The following NCK2 variants were observed in gnomAD, a reference collection of about 807,000 sequenced individuals.
NCK2 encodes the protein cytoplasmic protein NCK2.
A neutral mutation model predicts 33.9 loss-of-function variants in NCK2; 16 were observed. The observed-to-expected ratio is 0.47, with a 90% CI of 0.32 to 0.72. The LOEUF (loss-of-function observed/expected upper bound fraction) is 0.72, where lower values mean the gene tolerates loss of function less well. Ranked by LOEUF, NCK2 falls within the 30% of genes least tolerant of loss-of-function variation. The pLI is 0.03. For synonymous variants in NCK2, 273 were observed against 239.9 expected (o/e 1.14, Z -1.27); for missense variants, 418 against 537.3 (o/e 0.78, Z 2.19).
chr2:105,818,415 C>A (rs571436738), intron 2 of NCK2, among the ~76,000 whole-genome samples: 47 of 151,700 alleles, frequency 3.1e-4, no homozygotes, highest in African/African-American at 1.1e-3. Flanking sequence ...TACCCTAGAA[C>A]TTAAAAGTGT....
intron 1 of NCK2, among the ~76,000 whole-genome samples, chr2:105,801,172 A>G (rs1476058383): frequency 6.6e-6 from 1 of 151,992 alleles, no homozygotes; most frequent in Non-Finnish European, 1.5e-5. Flanking sequence ...GTGTCCCATA[A>G]ATCTGTGGTG....
At position 105,894,267 on chromosome 2, in the gene NCK2, T is replaced by C. The variant is rs894735985; in HGVS notation, c.*1091T>C. 2.0e-5 allele frequency: 3 copies of C among 152,636 alleles called. No homozygotes were observed. The highest frequency in any genetic ancestry group is 6.5e-5 in the Admixed American group (1 of 15,276). The allele number at this position is 152,636 out of a possible 1,614,324, so 9.5% of individuals were successfully genotyped here. A position where few individuals can be genotyped will look rare whatever the true frequency, so the allele number is the denominator to read the frequency against. On this transcript the variant is annotated 3_prime_UTR_variant, in exon 5 of 5. Coordinates refer to ENST00000233154, the MANE Select transcript of NCK2 (RefSeq NM_003581.5). ...GATATTGTAATAAAAAAAAGTATTA[T>C]GACAAGGCTCTGTGTGTATTTATCT...
chr2:105,806,340 C>T (rs1158925100), intron 1 of NCK2, among the ~76,000 whole-genome samples: 1 of 151,638 alleles, frequency 6.6e-6, no homozygotes, highest in African/African-American at 2.4e-5. Context: ...CGGGTTCACG[C>T]CATTCTCCTG....
intron 1 of NCK2, among the ~76,000 whole-genome samples, chr2:105,799,897 CTTTT>C (rs939837752): frequency 6.7e-6 from 1 of 150,014 alleles, no homozygotes. Flanking sequence ...AATGACATAA[CTTTT>C]TTTTTTAACA....
intron 3 of NCK2, 117 bp downstream of exon 3, chr2:105,855,406 C>T (rs1057501115): frequency 4.1e-6 from 3 of 730,632 alleles, no homozygotes; most frequent in Admixed American, 3.0e-5. Context: ...TTAATATCTT[C>T]CTAGTTGTCT....
intron 1 of NCK2, among the ~76,000 whole-genome samples, chr2:105,806,936 G>A (rs531813030): frequency 2.4e-4 from 37 of 152,226 alleles, no homozygotes; most frequent in Admixed American, 2.0e-3. Flanking sequence ...AGATGCCCGT[G>A]GTCATGGGGT....
chr2:105,822,206 G>A (rs1323453524), intron 2 of NCK2, among the ~76,000 whole-genome samples: 3 of 152,046 alleles, frequency 2.0e-5, no homozygotes, highest in Non-Finnish European at 4.4e-5. Flanking sequence ...GGTGTGTGAA[G>A]GAAGACTTTG....
intron 3 of NCK2, among the ~76,000 whole-genome samples, chr2:105,863,757 G>T (rs969450823): frequency 6.6e-6 from 1 of 152,136 alleles, no homozygotes; most frequent in Non-Finnish European, 1.5e-5. Flanking sequence ...CAGGAGGGAG[G>T]ACTCTGGAGT....
At chr2:105,882,221 T>A (rs753809385) in intron 4 of NCK2, among the ~76,000 whole-genome samples, 172 bp downstream of exon 4, 4 of 152,228 alleles carry the variant, frequency 2.6e-5, no homozygotes, top group Non-Finnish European at 5.9e-5. Context: ...TGCATCTGTT[T>A]TGGGGATAGT....
rs199739176 is a variant in NCK2, at chr2:105,752,162, G to A, written c.-201+7024G>A. ...ACGCGACTAGTGGCAGCCTTGTTGC[G>A]GAGTGTGAGTCTATACACTTTTCAT... On this transcript the variant is annotated intron_variant, in intron 1 of 4. Transcript: ENST00000233154. 6.6e-5 allele frequency among the ~76,000 whole-genome samples: 10 copies of A among 152,258 alleles called. No homozygotes were observed. In the East Asian group the frequency reaches 1.5e-3, roughly 23 times the overall value.
chr2:105,758,111 C>A (rs569897272), intron 1 of NCK2, among the ~76,000 whole-genome samples: 11 of 152,154 alleles, frequency 7.2e-5, no homozygotes, highest in Non-Finnish European at 1.5e-4. Flanking sequence ...AGCTTTATCT[C>A]TTAAAAATGA....
intron 2 of NCK2, among the ~76,000 whole-genome samples, chr2:105,846,095 G>A (rs1676845099): frequency 6.6e-6 from 1 of 152,150 alleles, no homozygotes; most frequent in South Asian, 2.1e-4. Context: ...GGAATCACTT[G>A]ACAGTCACAG....
At chr2:105,880,679 T>C (rs1178557901) in intron 3 of NCK2, among the ~76,000 whole-genome samples, 1 of 152,214 alleles carries the variant, frequency 6.6e-6, no homozygotes, top group Non-Finnish European at 1.5e-5. Flanking sequence ...TCTCTGCATT[T>C]ATACTTTATT....
chr2:105,791,774 G>T (rs992063483), intron 1 of NCK2, among the ~76,000 whole-genome samples: 3 of 152,174 alleles, frequency 2.0e-5, no homozygotes, highest in African/African-American at 7.2e-5. Flanking sequence ...ATGTAAAAAT[G>T]ACGCAGCTGC....
rs200508739 is a variant in NCK2, at chr2:105,763,199, C to CA, written c.-201+18069dup. On this transcript the variant is annotated intron_variant, in intron 1 of 4. Coordinates refer to ENST00000233154, the MANE Select transcript of NCK2 (RefSeq NM_003581.5). ...GGCGACAGAACGAGACTCTTGTCTC[C>CA]AAAAAAAACAAAACAAAAGCACCCT... is the stretch of plus-strand genomic sequence containing the variant. Among the ~76,000 whole-genome samples the CA allele has an allele frequency of 9.3e-3, 1,414 of 151,634 alleles. 22 individuals carry two copies. The highest frequency in any genetic ancestry group is 0.032 in the African/African-American group (1,337 of 41,302).
chr2:105,759,801 G>A (rs191444438), intron 1 of NCK2, among the ~76,000 whole-genome samples: 69 of 152,278 alleles, frequency 4.5e-4, no homozygotes, highest in Non-Finnish European at 3.4e-4. Flanking sequence ...TGACAGCTTT[G>A]AGGAGCAAAA....
intron 2 of NCK2, among the ~76,000 whole-genome samples, chr2:105,840,647 C>G (rs998638638): frequency 2.0e-5 from 3 of 152,244 alleles, no homozygotes; most frequent in African/African-American, 7.2e-5. Flanking sequence ...TTGTTTTAAC[C>G]AGTAATTCTG....
chr2:105,796,655 A>G lies in NCK2; in HGVS notation c.-200-19775A>G, dbSNP rs1276109955. 3.9e-5 allele frequency among the ~76,000 whole-genome samples: 6 copies of G among 152,160 alleles called. No homozygotes were observed. In the South Asian group the frequency reaches 1.0e-3, roughly 26 times the overall value. ...CATTTGGCAAGGAAGAGTATCCCGTAGTTTAGTGTTATTCCAGAAGCTCTC... is the reference window on the plus strand; with the variant it reads ...CATTTGGCAAGGAAGAGTATCCCGTGGTTTAGTGTTATTCCAGAAGCTCTC... On this transcript the variant is annotated intron_variant, in intron 1 of 4. Transcript: ENST00000233154.
At chr2:105,808,101 C>T (rs1248391050) in intron 1 of NCK2, among the ~76,000 whole-genome samples, 2 of 152,068 alleles carry the variant, frequency 1.3e-5, no homozygotes, top group South Asian at 4.1e-4. Context: ...CAGGGTTTCA[C>T]CATGTTGGCC....
Sources: gnomAD v4.1 joint callset for allele counts (sites outside exome capture counted in the v4.1 genomes callset) on GRCh38, gnomAD v4.1.1 for gene constraint, MANE v1.5 for transcripts, NCBI Gene and HGNC (gene_info 2026-07-23, HGNC 2026-07-21) for gene names.